Variants in BRI3BP observed in about 807,000 individuals in gnomAD.
The protein encoded by BRI3BP is BRI3-binding protein.
A neutral mutation model predicts 15.8 loss-of-function variants in BRI3BP; 7 were observed. That is an observed-to-expected ratio of 0.44 (90% CI 0.25 to 0.83). The LOEUF (loss-of-function observed/expected upper bound fraction) is 0.83. BRI3BP is among the 40% of genes least tolerant of loss of function. The pLI is 0.20. For missense variants in BRI3BP, 320 were observed against 339.3 expected, an observed-to-expected ratio of 0.94 and a Z score of 0.45; for synonymous variants, 192 against 163.5, an observed-to-expected ratio of 1.17 and a Z score of -1.33.
At chr12:125,035,417 A>G (rs1362436894), downstream of BRI3BP, among the ~76,000 whole-genome samples, 1 of 143,472 alleles carries the variant, frequency 7.0e-6, no homozygotes, top group Non-Finnish European at 1.5e-5. Flanking sequence ...TTTTTGAGGC[A>G]GGATCTTGCT....
chr12:125,022,637 G>A (rs368066420), intron 2 of BRI3BP, among the ~76,000 whole-genome samples: 1 of 151,328 alleles, frequency 6.6e-6, no homozygotes, highest in South Asian at 2.1e-4. Context: ...AGCGATTCTC[G>A]TGCCTCAGCC....
chr12:124,997,183 T>C (rs1378143758), intron 1 of BRI3BP, among the ~76,000 whole-genome samples: 1 of 143,052 alleles, frequency 7.0e-6, no homozygotes, highest in Admixed American at 7.6e-5. Context: ...AGCCAGTTGC[T>C]TTACTTCTCT....
chr12:125,018,741 G>A (rs192503890), intron 2 of BRI3BP, among the ~76,000 whole-genome samples: 14 of 150,310 alleles, frequency 9.3e-5, no homozygotes, highest in Admixed American at 8.0e-4. Flanking sequence ...GTGCAGTGGC[G>A]CTATCTCGGC....
downstream of BRI3BP, among the ~76,000 whole-genome samples, chr12:125,031,826 C>T (rs1428748766): frequency 6.6e-6 from 1 of 152,030 alleles, no homozygotes; most frequent in African/African-American, 2.4e-5. Flanking sequence ...TCATGCCCAG[C>T]CTTAAAAATC....
chr12:125,036,139 A>G (rs1342023897), downstream of BRI3BP, among the ~76,000 whole-genome samples: 1 of 152,144 alleles, frequency 6.6e-6, no homozygotes, highest in Non-Finnish European at 1.5e-5. Context: ...ATCTCTGCTC[A>G]CTGCAACCTC....
chr12:125,044,961 C>T, the BRI3BP span, among the ~76,000 whole-genome samples: 1 of 152,156 alleles, frequency 6.6e-6, no homozygotes, highest in African/African-American at 2.4e-5. Context: ...ATATTCAAAA[C>T]AGTCATCCTA....
At chr12:125,013,562 T>TA (rs1955215042) in intron 2 of BRI3BP, among the ~76,000 whole-genome samples, 1 of 152,182 alleles carries the variant, frequency 6.6e-6, no homozygotes, top group Non-Finnish European at 1.5e-5. Flanking sequence ...AGGTGGAACT[T>TA]ACTTTCTGTC....
the BRI3BP span, among the ~76,000 whole-genome samples, chr12:125,042,928 G>A: frequency 6.6e-6 from 1 of 152,148 alleles, no homozygotes; most frequent in Non-Finnish European, 1.5e-5. Flanking sequence ...AATTGCAGAT[G>A]TGAGCCACTG....
At chr12:124,996,028 C>G (rs1298770712) in intron 1 of BRI3BP, among the ~76,000 whole-genome samples, 3 of 152,150 alleles carry the variant, frequency 2.0e-5, no homozygotes, top group East Asian at 3.9e-4. Context: ...ATCTTCCCCA[C>G]TCACCCTCCC....
At chr12:125,031,964 A>G (rs931026068), downstream of BRI3BP, among the ~76,000 whole-genome samples, 1 of 152,136 alleles carries the variant, frequency 6.6e-6, no homozygotes, top group Non-Finnish European at 1.5e-5. Context: ...ATAGGTCGAT[A>G]AGGGGACAAT....
rs148701346 is a variant in BRI3BP at position 125,018,424 on chromosome 12, A to G, written c.316+5788A>G. On this transcript the variant is annotated intron_variant, in intron 2 of 2. Coordinates refer to ENST00000341446, the MANE Select transcript of BRI3BP (RefSeq NM_080626.6). Reference sequence around the variant, plus strand: ...TGGAGTAGGGTGAGTCCCAAATCCAATGTGACCGGTGTCCTTATACGAAGG... The same window carrying G: ...TGGAGTAGGGTGAGTCCCAAATCCAGTGTGACCGGTGTCCTTATACGAAGG... Among the ~76,000 whole-genome samples, 199 of 152,256 alleles carry G rather than the reference A, an allele frequency of 1.3e-3. 1 individual carries two copies. Among genetic ancestry groups the G allele is most frequent in the Non-Finnish European group, 2.0e-3 (133 of 68,018 alleles).
chr12:125,007,507 C>T (rs1955155323), intron 1 of BRI3BP, among the ~76,000 whole-genome samples: 1 of 152,048 alleles, frequency 6.6e-6, no homozygotes, highest in African/African-American at 2.4e-5. Flanking sequence ...TGAGATGGCG[C>T]TAATGCACTG....
downstream of BRI3BP, among the ~76,000 whole-genome samples, chr12:125,033,835 A>G (rs1955423406): frequency 6.7e-6 from 1 of 150,314 alleles, no homozygotes; most frequent in Admixed American, 6.7e-5. Flanking sequence ...CTCCATCTCC[A>G]CGGTTCAAGC....
intron 2 of BRI3BP, among the ~76,000 whole-genome samples, chr12:125,013,340 C>T (rs73231604): frequency 0.14 from 21,055 of 152,168 alleles, 1,565 homozygotes; most frequent in Admixed American, 0.16. Flanking sequence ...CAGACACTGC[C>T]GAACTGGCTG....
chr12:125,046,114 G>A, the BRI3BP span, among the ~76,000 whole-genome samples: 13 of 151,876 alleles, frequency 8.6e-5, no homozygotes, highest in Admixed American at 2.6e-4. Flanking sequence ...GCAGTGAGCT[G>A]AGATCGCGCC....
intron 1 of BRI3BP, among the ~76,000 whole-genome samples, chr12:124,996,115 T>C (rs914156291): frequency 6.6e-5 from 10 of 152,114 alleles, no homozygotes; most frequent in African/African-American, 1.2e-4. Flanking sequence ...GGTTTCACCA[T>C]GTTGACCAGT....
chr12:125,044,877 G>A, the BRI3BP span, among the ~76,000 whole-genome samples: 3 of 152,106 alleles, frequency 2.0e-5, no homozygotes, highest in African/African-American at 4.8e-5. Flanking sequence ...AAGCTCTGGG[G>A]ATTACAGGTG....
At chr12:125,019,477 G>A (rs866873077) in intron 2 of BRI3BP, among the ~76,000 whole-genome samples, 1 of 151,962 alleles carries the variant, frequency 6.6e-6, no homozygotes, top group Non-Finnish European at 1.5e-5. Flanking sequence ...TGGTTAGGAG[G>A]GGTGACTGTG....
intron 1 of BRI3BP, among the ~76,000 whole-genome samples, chr12:125,008,896 C>A (rs1489601438): frequency 6.6e-6 from 1 of 152,012 alleles, no homozygotes; most frequent in Admixed American, 6.6e-5. Flanking sequence ...AGTGGCAGAT[C>A]ATCAGGCATT....
Sources: gnomAD v4.1 joint callset for allele counts (sites outside exome capture counted in the v4.1 genomes callset) on GRCh38, gnomAD v4.1.1 for gene constraint, MANE v1.5 for transcripts, NCBI Gene and HGNC (gene_info 2026-07-23, HGNC 2026-07-21) for gene names.